PPP1R3A: variants seen among roughly 807,000 people sequenced by gnomAD.
The protein encoded by PPP1R3A is RG1.
In PPP1R3A, 29 loss-of-function variants were observed where a neutral mutation model predicts 41.7. The observed-to-expected ratio is 0.70, with a 90% CI of 0.52 to 0.95. The LOEUF is 0.95. Among genes scored for constraint, PPP1R3A ranks in the 40% least tolerant of loss-of-function variants. The pLI, the probability that PPP1R3A is intolerant of heterozygous loss-of-function variation, is 0.00. For missense variants in PPP1R3A, 1,352 were observed against 1,292.4 expected (o/e 1.05, Z -0.71); for synonymous variants, 485 against 453.4 (o/e 1.07, Z -0.89).
chr7:113,892,651 G>A lies in PPP1R3A; in HGVS notation c.783-10331C>T, dbSNP rs74433004. Among the ~76,000 whole-genome samples the A allele has an allele frequency of 5.9e-5, 9 of 152,088 alleles. No individual in the cohort carries two copies. The South Asian group carries it at 8.3e-4, about 14-fold the overall frequency. ...TCAGTGTCTAATTGTGAAGAGAAGC[G>A]CCTGAGGAAAAACAAATTTAAGGAA... On this transcript the variant is annotated intron_variant, in intron 1 of 3. Transcript: ENST00000284601.
chr7:113,893,098 A>C (rs1225573759), intron 1 of PPP1R3A, among the ~76,000 whole-genome samples: 1 of 151,936 alleles, frequency 6.6e-6, no homozygotes, highest in African/African-American at 2.4e-5. Context: ...CCTTTCTTTT[A>C]CACAGCCAGG....
intron 1 of PPP1R3A, among the ~76,000 whole-genome samples, chr7:113,909,757 G>C (rs1584420324): frequency 6.6e-6 from 1 of 152,184 alleles, no homozygotes; most frequent in Admixed American, 6.6e-5. Context: ...TGATTTTAAT[G>C]TATAAGGATA....
chr7:113,882,342 G>T, intron 1 of PPP1R3A, 22 bp from the exon 2 acceptor site: 2 of 1,375,402 alleles, frequency 1.5e-6, no homozygotes, highest in African/African-American at 2.9e-5. Flanking sequence ...AAAAGAAAAT[G>T]TTATATGTTT....
intron 1 of PPP1R3A, 97 bp from the exon 2 acceptor site, chr7:113,882,417 A>T: frequency 1.4e-6 from 1 of 729,648 alleles, no homozygotes; most frequent in Non-Finnish European, 2.4e-6. Flanking sequence ...CAAGCCAAAT[A>T]AACATTATAT....
chr7:113,911,279 A>G (rs1215973780), intron 1 of PPP1R3A, among the ~76,000 whole-genome samples: 1 of 152,132 alleles, frequency 6.6e-6, no homozygotes, highest in East Asian at 1.9e-4. Context: ...TAACACTACC[A>G]TGCTAGTTAA....
At chr7:113,891,113 A>C (rs1796879105) in intron 1 of PPP1R3A, among the ~76,000 whole-genome samples, 1 of 150,022 alleles carries the variant, frequency 6.7e-6, no homozygotes, top group African/African-American at 2.4e-5. Context: ...AAAAAAAAAA[A>C]ACCCTGCATG....
rs770031201 is a variant in PPP1R3A, at chr7:113,918,926, G to C, written c.71C>G (p.Ser24Cys). ...AGTAACTTCTTCATCTTCACAAAGA[G>C]AGTCAGATAAATTAGGAACTTCTAA... Reference protein sequence around the residue: ...NFLEVPNLSDSLCEDEEVTFQ... With the variant: ...NFLEVPNLSDCLCEDEEVTFQ... The change falls in exon 1 of 4, where the codon TCT (serine) becomes TGT (cysteine). Residue 24 changes from serine to cysteine, a missense_variant. By Grantham distance (112) the Ser-to-Cys change is moderately radical. Transcript: ENST00000284601. The C allele has an allele frequency of 8.7e-6, 14 of 1,612,646 alleles. No individual in the cohort carries two copies. Among genetic ancestry groups the C allele is most frequent in the Middle Eastern group, 1.6e-4 (1 of 6,076 alleles).
chr7:113,889,135 G>A (rs1205798600), intron 1 of PPP1R3A, among the ~76,000 whole-genome samples: 1 of 152,102 alleles, frequency 6.6e-6, no homozygotes, highest in African/African-American at 2.4e-5. Context: ...GGCCAGATTT[G>A]CAAACTCCTA....
intron 3 of PPP1R3A, among the ~76,000 whole-genome samples, chr7:113,881,186 G>C (rs534715575): frequency 9.9e-5 from 15 of 152,156 alleles, no homozygotes; most frequent in African/African-American, 3.6e-4. Flanking sequence ...ATACTTTAGT[G>C]ATGCAGCTCC....
At chr7:113,882,716 G>A (rs1796714881) in intron 1 of PPP1R3A, among the ~76,000 whole-genome samples, 1 of 151,838 alleles carries the variant, frequency 6.6e-6, no homozygotes, top group Non-Finnish European at 1.5e-5. Flanking sequence ...TTTATGAACT[G>A]ACAGTCTATT....
At position 113,918,743 on chromosome 7, in the gene PPP1R3A, A is replaced by G. The variant is rs779571516; in HGVS notation, c.254T>C (p.Leu85Ser). 2 of 1,613,884 alleles carry G rather than the reference A, an allele frequency of 1.2e-6. No homozygotes were observed. Among genetic ancestry groups the G allele is most frequent in the Non-Finnish European group, 1.7e-6 (2 of 1,179,868 alleles). Residue 85 changes from leucine (L) to serine (S), a missense_variant, in exon 1 of 4, where the codon TTA becomes TCA. Leu to Ser is a moderately radical substitution (Grantham distance 145). Coordinates refer to ENST00000284601, the MANE Select transcript of PPP1R3A (RefSeq NM_002711.4). ...GTCAAAAGTGGTTGAAGCACTCGGTAATTCCCAGCAATCAAATTCTTTAAC... is the reference window on the plus strand; with the variant it reads ...GTCAAAAGTGGTTGAAGCACTCGGTGATTCCCAGCAATCAAATTCTTTAAC... The part of the protein sequence containing the change: ...VSVKEFDCWE[L>S]PSASTTFDLG...
chr7:113,911,475 A>G (rs1051991424), intron 1 of PPP1R3A, among the ~76,000 whole-genome samples: 2 of 152,136 alleles, frequency 1.3e-5, no homozygotes, highest in Non-Finnish European at 2.9e-5. Flanking sequence ...ATAAACTTCA[A>G]TTTCATCTTC....
At chr7:113,902,080 T>TGC (rs1797070870) in intron 1 of PPP1R3A, among the ~76,000 whole-genome samples, 1 of 151,898 alleles carries the variant, frequency 6.6e-6, no homozygotes, top group Admixed American at 6.6e-5. Flanking sequence ...TTTCTTGGTC[T>TGC]CTTAATGTTG....
At chr7:113,886,602 T>C (rs1796788691) in intron 1 of PPP1R3A, among the ~76,000 whole-genome samples, 1 of 152,144 alleles carries the variant, frequency 6.6e-6, no homozygotes, top group African/African-American at 2.4e-5. Flanking sequence ...GGAAATGAAA[T>C]GAGTAGAATT....
chr7:113,887,073 T>G (rs1042931012), intron 1 of PPP1R3A, among the ~76,000 whole-genome samples: 32 of 152,166 alleles, frequency 2.1e-4, no homozygotes, highest in Non-Finnish European at 4.6e-4. Context: ...AACATTACTA[T>G]GACAGTGTTC....
At chr7:113,890,247 A>G (rs1203614404) in intron 1 of PPP1R3A, among the ~76,000 whole-genome samples, 1 of 152,166 alleles carries the variant, frequency 6.6e-6, no homozygotes, top group Non-Finnish European at 1.5e-5. Flanking sequence ...CAGACCTCCT[A>G]TGTGAAAATG....
intron 1 of PPP1R3A, among the ~76,000 whole-genome samples, chr7:113,900,551 T>C (rs1377345629): frequency 1.3e-5 from 2 of 150,598 alleles, no homozygotes; most frequent in East Asian, 2.0e-4. Context: ...GCTTGATTTA[T>C]ACATATATCA....
At chr7:113,880,210 C>G (rs1011421733) in intron 3 of PPP1R3A, 85 bp from the exon 4 acceptor site, 10 of 1,169,750 alleles carry the variant, frequency 8.5e-6, no homozygotes, top group Non-Finnish European at 1.1e-5. Flanking sequence ...ATTAACTCGG[C>G]TAGTAATTAT....
intron 1 of PPP1R3A, among the ~76,000 whole-genome samples, chr7:113,902,132 G>T (rs1266585133): frequency 6.6e-6 from 1 of 151,622 alleles, no homozygotes; most frequent in Non-Finnish European, 1.5e-5. Flanking sequence ...CTCTCTTTGT[G>T]TGTGTGTGTT....
Sources: allele counts gnomAD v4.1 joint callset (sites outside exome capture counted in the v4.1 genomes callset), GRCh38; gene constraint gnomAD v4.1.1; transcripts MANE v1.5; gene names NCBI Gene and HGNC (gene_info 2026-07-23, HGNC 2026-07-21).